DLGAP2: variants seen among roughly 807,000 people sequenced by gnomAD.
The protein encoded by DLGAP2 is disks large-associated protein 2.
DLGAP2 carries 26 observed loss-of-function variants against 100.3 expected under a neutral mutation model. The observed-to-expected ratio is 0.26, with a 90% confidence interval of 0.19 to 0.36. DLGAP2 has a LOEUF of 0.36. DLGAP2 is among the 10% of genes least tolerant of loss of function. DLGAP2 has a pLI of 1.00. For synonymous variants in DLGAP2, 886 were observed against 630.1 expected, an observed-to-expected ratio of 1.41 and a Z score of -6.08; for missense variants, 1,858 against 1,453.2, an observed-to-expected ratio of 1.28 and a Z score of -4.53.
At chr8:862,880 T>A (rs979892929) in intron 1 of DLGAP2, among the ~76,000 whole-genome samples, 1 of 152,212 alleles carries the variant, frequency 6.6e-6, no homozygotes, top group Non-Finnish European at 1.5e-5. Flanking sequence ...ATTTTACTTA[T>A]TAACATACAT....
intron 3 of DLGAP2, among the ~76,000 whole-genome samples, chr8:1,262,990 C>T (rs969761968): frequency 2.0e-5 from 3 of 152,018 alleles, no homozygotes; most frequent in African/African-American, 7.2e-5. Context: ...CCTGGTGGGG[C>T]CGGGAGAATG....
At chr8:1,320,831 C>A (rs557099017) in intron 3 of DLGAP2, among the ~76,000 whole-genome samples, 2 of 152,160 alleles carry the variant, frequency 1.3e-5, no homozygotes, top group African/African-American at 4.8e-5. Flanking sequence ...CTGTGTGTGT[C>A]TGTGTGTGCA....
At position 910,116 on chromosome 8, in the gene DLGAP2, G is replaced by A. The variant is rs182502002; in HGVS notation, c.73+2150G>A. 2.5e-3 allele frequency among the ~76,000 whole-genome samples: 386 copies of A among 152,326 alleles called. 2 individuals are homozygous for A. Among genetic ancestry groups the A allele is most frequent in the African/African-American group, 8.6e-3 (357 of 41,576 alleles). ...GGAGGGTGGGGACGGCTGCCCGGCC[G>A]TGAGAATGTAGCGAATGCTCCAAAC... On this transcript the variant is annotated intron_variant, in intron 2 of 14. Coordinates refer to ENST00000637795, the MANE Select transcript of DLGAP2 (RefSeq NM_001346810.2).
intron 3 of DLGAP2, among the ~76,000 whole-genome samples, chr8:1,360,090 C>G (rs1200343915): frequency 1.3e-5 from 2 of 152,040 alleles, no homozygotes; most frequent in African/African-American, 2.4e-5. Flanking sequence ...CACCGAAGCC[C>G]TTTGTGTGGG....
At chr8:1,330,785 G>C (rs1465756775) in intron 3 of DLGAP2, among the ~76,000 whole-genome samples, 1 of 142,836 alleles carries the variant, frequency 7.0e-6, no homozygotes, top group South Asian at 2.3e-4. Context: ...GTTCTGGGTG[G>C]GAGCACTGCT....
At chr8:984,098 C>T (rs899981368) in intron 2 of DLGAP2, among the ~76,000 whole-genome samples, 3 of 152,146 alleles carry the variant, frequency 2.0e-5, no homozygotes, top group Non-Finnish European at 4.4e-5. Context: ...CTGTCCCTAC[C>T]TCGTAGCAGG....
At chr8:1,256,815 C>G (rs1278147325) in intron 2 of DLGAP2, among the ~76,000 whole-genome samples, 1 of 152,090 alleles carries the variant, frequency 6.6e-6, no homozygotes, top group Non-Finnish European at 1.5e-5. Flanking sequence ...GTGATGGCAG[C>G]GATGGGATGG....
intron 5 of DLGAP2, among the ~76,000 whole-genome samples, chr8:1,564,103 G>C (rs1015226393): frequency 6.6e-6 from 1 of 152,168 alleles, no homozygotes; most frequent in African/African-American, 2.4e-5. Context: ...GAAAGCTTTG[G>C]AGTTCTCTAC....
intron 2 of DLGAP2, among the ~76,000 whole-genome samples, chr8:1,185,023 G>T (rs1435559106): frequency 6.6e-6 from 1 of 152,120 alleles, no homozygotes; most frequent in Non-Finnish European, 1.5e-5. Context: ...GTCTGACCCG[G>T]GGGACGGGGG....
At chr8:1,167,875 C>A (rs952778420) in intron 2 of DLGAP2, among the ~76,000 whole-genome samples, 1 of 148,120 alleles carries the variant, frequency 6.8e-6, no homozygotes, top group Non-Finnish European at 1.5e-5. Flanking sequence ...AAGTACTTAA[C>A]CTGAGTCCAT....
At chr8:1,043,689 G>C (rs976166478) in intron 2 of DLGAP2, among the ~76,000 whole-genome samples, 10 of 152,036 alleles carry the variant, frequency 6.6e-5, no homozygotes, top group African/African-American at 2.2e-4. Flanking sequence ...ATGTGGATTT[G>C]GACCAGGTGT....
At chr8:827,957 G>C (rs1004563449) in intron 1 of DLGAP2, among the ~76,000 whole-genome samples, 2 of 152,148 alleles carry the variant, frequency 1.3e-5, no homozygotes, top group African/African-American at 4.8e-5. Context: ...GGTAGGATCC[G>C]TGATGCCCCA....
intron 4 of DLGAP2, among the ~76,000 whole-genome samples, chr8:1,542,526 G>T (rs1801396900): frequency 6.6e-6 from 1 of 152,152 alleles, no homozygotes; most frequent in Non-Finnish European, 1.5e-5. Flanking sequence ...CTTTCCCATG[G>T]CATAAGGTTT....
chr8:766,042 C>T (rs953232761), intron 1 of DLGAP2, among the ~76,000 whole-genome samples: 2 of 152,184 alleles, frequency 1.3e-5, no homozygotes, highest in African/African-American at 4.8e-5. Flanking sequence ...TGGCATGTAC[C>T]TGTAATCTCA....
chr8:1,660,113 G>C (rs1172456393), intron 8 of DLGAP2, among the ~76,000 whole-genome samples: 1 of 152,060 alleles, frequency 6.6e-6, no homozygotes, highest in African/African-American at 2.4e-5. Flanking sequence ...AGTTTGTTTA[G>C]TTTGGTTGCC....
intron 2 of DLGAP2, among the ~76,000 whole-genome samples, chr8:1,023,676 G>T (rs1035290950): frequency 6.6e-6 from 1 of 151,834 alleles, no homozygotes; most frequent in Non-Finnish European, 1.5e-5. Context: ...AGCGGCTCTT[G>T]TTTCTTACCA....
intron 2 of DLGAP2, among the ~76,000 whole-genome samples, chr8:912,232 C>T (rs1191158059): frequency 1.3e-5 from 2 of 152,022 alleles, no homozygotes; most frequent in African/African-American, 2.4e-5. Context: ...TGCGGGAGTA[C>T]TATGTTTGGT....
At chr8:1,351,716 G>A (rs1443037131) in intron 3 of DLGAP2, among the ~76,000 whole-genome samples, 1 of 64,570 alleles carries the variant, frequency 1.5e-5, no homozygotes, top group African/African-American at 5.1e-5. Context: ...AAGGCCATGC[G>A]GGTCCTGAGT....
intron 12 of DLGAP2, 38 bp downstream of exon 12, chr8:1,678,667 A>C: frequency 3.8e-5 from 55 of 1,447,282 alleles, no homozygotes; most frequent in Non-Finnish European, 4.1e-5. Flanking sequence ...CTTAAATATC[A>C]TTTCTCAGTA....
Sources: gnomAD v4.1 joint callset for allele counts (sites outside exome capture counted in the v4.1 genomes callset) on GRCh38, gnomAD v4.1.1 for gene constraint, MANE v1.5 for transcripts, NCBI Gene and HGNC (gene_info 2026-07-23, HGNC 2026-07-21) for gene names.